KMT2B: variants seen among roughly 807,000 people sequenced by gnomAD.
KMT2B encodes the protein lysine methyltransferase 2B, also known as histone-lysine N-methyltransferase 2B.
KMT2B carries 22 observed loss-of-function variants against 255.3 expected under a neutral mutation model. The observed-to-expected ratio is 0.09, with a 90% confidence interval of 0.06 to 0.12. KMT2B has a LOEUF of 0.12. Ranked by LOEUF, KMT2B falls within the 10% of genes least tolerant of loss-of-function variation. The probability of loss-of-function intolerance (pLI) is 1.00; values close to 1 mark genes in which losing one functional copy is unlikely to be tolerated. For missense variants in KMT2B, 3,149 were observed against 3,737.0 expected (o/e 0.84, Z 4.10); for synonymous variants, 1,730 against 1,498.1 (o/e 1.15, Z -3.57).
At position 35,733,644 on chromosome 19, in the gene KMT2B, A is replaced by C; in HGVS notation, c.7007A>C (p.Asp2336Ala). The C allele has an allele frequency of 6.3e-7, 1 of 1,598,880 alleles. No individual in the cohort carries two copies. Among genetic ancestry groups the C allele is most frequent in the South Asian group, 1.1e-5 (1 of 88,392 alleles). ...ACCCCCACAGTGCGTGGGGTCCTTG[A>C]CCTGGATCGGCCTGGGGAGCCCGCT... ...MKTPTVRGVL[D>A]LDRPGEPAGE... Residue 2336 changes from aspartate to alanine, a missense_variant, in exon 29 of 37, where the codon GAC becomes GCC. Physicochemically the swap from Asp to Ala is moderately radical, Grantham distance 126. Coordinates refer to ENST00000420124, the MANE Select transcript of KMT2B (RefSeq NM_014727.3). This position sits in a 1 kb window ranked among gnomAD's most constrained non-coding sequence, Gnocchi z 4.3.
In KMT2B at chr19:35,726,318, G is replaced by C; in HGVS notation, c.3968G>C (p.Ser1323Thr). 3 of 1,613,742 alleles carry C rather than the reference G, an allele frequency of 1.9e-6. No homozygotes were observed. Among genetic ancestry groups the C allele is most frequent in the Non-Finnish European group, 2.5e-6 (3 of 1,179,776 alleles). The change falls in exon 14 of 37, where the codon AGC becomes ACC. Residue 1323 changes from serine to threonine, a missense_variant. Coordinates refer to ENST00000420124, the MANE Select transcript of KMT2B (RefSeq NM_014727.3). Reference protein sequence around the residue: ...NWDVEWSGDYSLCPRCTQLYE... With the variant: ...NWDVEWSGDYTLCPRCTQLYE... ...GACGTCGAGTGGTCTGGAGATTACA[G>C]CCTCTGCCCCAGGTGCACCCAGCTA...
Position 35,720,307 on chromosome 19 carries a change from C to T in KMT2B, c.960C>T (p.Ser320=), listed in dbSNP as rs771078810. 2 of 1,613,238 alleles carry T rather than the reference C, an allele frequency of 1.2e-6. No homozygotes were observed. Among genetic ancestry groups the T allele is most frequent in the African/African-American group, 1.3e-5 (1 of 75,012 alleles). ...AAAAAGTAAAGATGGGACAATTGTCCTTGGGACTCGAATCAGGTCAAGGTC... is the reference window on the plus strand; with the variant it reads ...AAAAAGTAAAGATGGGACAATTGTCTTTGGGACTCGAATCAGGTCAAGGTC... ...RAKKVKMGQL[S]LGLESGQGQG... The change falls in exon 3 of 37, where the codon TCC becomes TCT. Residue 320 remains serine (S), a synonymous_variant. Coordinates refer to ENST00000420124, the MANE Select transcript of KMT2B (RefSeq NM_014727.3).
Position 35,729,306 on chromosome 19 carries a change from CGGGCGCAG to C in KMT2B, c.4917+11_4917+18del. The C allele has an allele frequency of 6.3e-7, 1 of 1,587,436 alleles. No individual in the cohort carries two copies. Among genetic ancestry groups the C allele is most frequent in the Non-Finnish European group, 8.6e-7 (1 of 1,168,020 alleles). ...CCGAGGGAGGCAGATGGTGAGGGCG[CGGGCGCAG>C]AGAGGTGGACAGCTCTCTGGCTCTT... On this transcript the variant is annotated intron_variant, in intron 22 of 36. Transcript: ENST00000420124.
chr19:35,727,595 G>A lies in KMT2B; in HGVS notation c.4275G>A (p.Val1425=). Residue 1425 remains valine (V), a synonymous_variant, in exon 16 of 37, where the codon GTG becomes GTA. Coordinates refer to ENST00000420124, the MANE Select transcript of KMT2B (RefSeq NM_014727.3). The surrounding 1 kb of genome is among the most constrained non-coding windows in gnomAD (Gnocchi z 4.2). ...QVLQGLLSSK[V]VGPLLLCTQC... is the part of the protein sequence containing the mutation. ...TCCAGGGCCTGCTGAGCTCCAAGGT[G>A]GTGGGCCCACTGCTGCTCTGCACCC... 1 of 1,606,426 alleles carries A rather than the reference G, an allele frequency of 6.2e-7. No individual in the cohort carries two copies. Among genetic ancestry groups the A allele is most frequent in the Non-Finnish European group, 8.5e-7 (1 of 1,177,254 alleles).
chr19:35,730,268 T>G, intron 23 of KMT2B, 74 bp from the exon 24 acceptor site: 3 of 1,602,724 alleles, frequency 1.9e-6, no homozygotes, highest in Non-Finnish European at 2.6e-6. Context: ...GCCAAGCCCC[T>G]GACTGTTCAG....
Position 35,723,430 on chromosome 19 carries a change from G to A in KMT2B, c.3003-17G>A, listed in dbSNP as rs1969298792. 5 of 1,571,432 alleles carry A rather than the reference G, an allele frequency of 3.2e-6. No individual in the cohort carries two copies. The highest frequency in any genetic ancestry group is 4.3e-6 in the Non-Finnish European group (5 of 1,158,802). On this transcript the variant is annotated splice_polypyrimidine_tract_variant and intron_variant, in intron 6 of 36. Transcript: ENST00000420124. This position sits in a 1 kb window ranked among gnomAD's most constrained non-coding sequence, Gnocchi z 7.5. ...CACCAGTCCCCTACCCTGGTGACGTGCTGCTCCCCTCCCCAGATACCGGAA... is the reference window on the plus strand; with the variant it reads ...CACCAGTCCCCTACCCTGGTGACGTACTGCTCCCCTCCCCAGATACCGGAA...
In KMT2B at chr19:35,723,811, C is replaced by A. The variant is rs748775538; in HGVS notation, c.3138C>A (p.Arg1046=). The part of the protein sequence containing the change: ...PEASPGPPGP[R]RGAGAGGPRE... ...CCTCCCCTGGTCCTCCAGGCCCACG[C>A]CGGGGGGCGGGAGCTGGGGGGCCCC... The change falls in exon 8 of 37, where the codon CGC becomes CGA. Residue 1046 remains arginine, a synonymous_variant. Transcript: ENST00000420124. The surrounding 1 kb of genome is among the most constrained non-coding windows in gnomAD (Gnocchi z 7.5). The A allele has an allele frequency of 6.3e-7, 1 of 1,593,098 alleles. No individual in the cohort carries two copies. The highest frequency in any genetic ancestry group is 2.3e-5 in the East Asian group (1 of 44,268).
Position 35,725,943 on chromosome 19 carries a change from A to G in KMT2B, c.3885+125A>G. ...GGGATCCTCTTAAGAATTGATTAGT[A>G]ATGTTTCCTCTTCAAAAATTTCACA... is the stretch of plus-strand genomic sequence containing the variant. On this transcript the variant is annotated intron_variant, in intron 13 of 36. Transcript: ENST00000420124. This position sits in a 1 kb window ranked among gnomAD's most constrained non-coding sequence, Gnocchi z 4.1. 1 of 809,264 alleles carries G rather than the reference A, an allele frequency of 1.2e-6. No individual in the cohort carries two copies. The highest frequency in any genetic ancestry group is 1.6e-5 in the South Asian group (1 of 61,086). The allele number at this position is 809,264 out of a possible 1,614,324, so 50.1% of individuals were successfully genotyped here. A position where few individuals can be genotyped will look rare whatever the true frequency, so the allele number is the denominator to read the frequency against.
In KMT2B at chr19:35,720,764, C is replaced by T. The variant is rs1969160753; in HGVS notation, c.1417C>T (p.Pro473Ser). 6.8e-7 allele frequency: 1 copy of T among 1,479,666 alleles called. No homozygotes were observed. The highest frequency in any genetic ancestry group is 9.0e-7 in the Non-Finnish European group (1 of 1,112,300). 91.7% of individuals were successfully genotyped at this position (1,479,666 alleles called of 1,614,324 possible). A position where few individuals can be genotyped will look rare whatever the true frequency, so the allele number is the denominator to read the frequency against. ...ATCSRKRGRP[P>S]LTPSQRAERE... ...GTGCTCCAGGAAGAGGGGCCGGCCT[C>T]CCCTGACTCCCAGCCAGCGGGCGGA... is the stretch of plus-strand genomic sequence containing the variant. The change falls in exon 3 of 37, where the codon CCC becomes TCC. Residue 473 changes from proline (P) to serine (S), a missense_variant. Physicochemically the swap from Pro to Ser is moderately conservative, Grantham distance 74 (BLOSUM62 -1). Transcript: ENST00000420124.
intron 5 of KMT2B, 118 bp from the exon 6 acceptor site, chr19:35,722,877 G>T (rs897011287): frequency 2.1e-6 from 3 of 1,415,922 alleles, no homozygotes; most frequent in African/African-American, 2.9e-5. Context: ...TTCATTTGGG[G>T]GCACCAGGAA....
At position 35,737,327 on chromosome 19, in the gene KMT2B, G is replaced by A; in HGVS notation, c.7550+64G>A. ...CCTATGAGAGCTCTTGAGGGTGGGA[G>A]TTAACTGTAGAGGTTGGAAACTGAG... is the stretch of plus-strand genomic sequence containing the variant. On this transcript the variant is annotated intron_variant, in intron 33 of 36. Coordinates refer to ENST00000420124, the MANE Select transcript of KMT2B (RefSeq NM_014727.3). This position sits in a 1 kb window ranked among gnomAD's most constrained non-coding sequence, Gnocchi z 5.3. The A allele has an allele frequency of 7.0e-7, 1 of 1,423,430 alleles. No individual in the cohort carries two copies. The highest frequency in any genetic ancestry group is 1.5e-5 in the South Asian group (1 of 67,368). 88.2% of individuals were successfully genotyped at this position (1,423,430 alleles called of 1,614,324 possible). A position where few individuals can be genotyped will look rare whatever the true frequency, so the allele number is the denominator to read the frequency against.
Position 35,736,960 on chromosome 19 carries a change from C to T in KMT2B, c.7346C>T (p.Ala2449Val), listed in dbSNP as rs1969940062. Reference protein sequence around the residue: ...IEKVQEARGHARLRHLSFSGM... With the variant: ...IEKVQEARGHVRLRHLSFSGM... ...AAAGTGCAAGAGGCCCGAGGGCATG[C>T]CCGACTCAGACATCTCTCCTTTAGT... The change falls in exon 32 of 37, where the codon GCC becomes GTC. Residue 2449 changes from alanine to valine, a missense_variant. Transcript: ENST00000420124. The T allele has an allele frequency of 6.2e-7, 1 of 1,613,644 alleles. No homozygotes were observed. The highest frequency in any genetic ancestry group is 8.5e-7 in the Non-Finnish European group (1 of 1,179,834).
rs1449898892 is a variant in KMT2B, at chr19:35,718,326, C to G, written c.308C>G (p.Pro103Arg). The stretch of plus-strand genomic sequence containing the variant: ...CGGGGTCGGGGCCGGGGCTGGGGCC[C>G]GAGTCGAGGCTGCGTGCCGGAGGAG... ...RGRGRGRGWG[P>R]SRGCVPEEES... Residue 103 changes from proline to arginine, a missense_variant, in exon 1 of 37, where the codon CCG becomes CGG. Physicochemically the swap from Pro to Arg is moderately radical, Grantham distance 103 (BLOSUM62 -2). This residue lies in a region of KMT2B where 1,188 missense variants were observed against 1,106.4 expected (regional missense o/e 1.07). Transcript: ENST00000420124. This position sits in a 1 kb window ranked among gnomAD's most constrained non-coding sequence, Gnocchi z 5.0. 1.6e-6 allele frequency: 2 copies of G among 1,249,726 alleles called. No homozygotes were observed. The highest frequency in any genetic ancestry group is 1.5e-5 in the African/African-American group (1 of 64,560). 77.4% of individuals were successfully genotyped at this position (1,249,726 alleles called of 1,614,324 possible).
intron 22 of KMT2B, among the ~76,000 whole-genome samples, chr19:35,729,758 G>T (rs1812248193): frequency 6.6e-6 from 1 of 152,242 alleles, no homozygotes; most frequent in Admixed American, 6.5e-5. Context: ...TCACACTAAT[G>T]CTATCAGCAA....
In KMT2B at chr19:35,727,518, C is replaced by T. The variant is rs747829749; in HGVS notation, c.4198C>T (p.Arg1400Cys). Reference protein sequence around the residue: ...CGPCAGAAQPRWREALSGALQ... With the variant: ...CGPCAGAAQPCWREALSGALQ... ...ACCGTGTGCTGGGGCAGCGCAGCCC[C>T]GCTGGCGAGAGGCCCTGAGCGGGGC... The change falls in exon 16 of 37, where the codon CGC (arginine) becomes TGC (cysteine). Residue 1400 changes from arginine to cysteine, a missense_variant. This residue lies in a region of KMT2B where 377 missense variants were observed against 471.0 expected (regional missense o/e 0.80). Coordinates refer to ENST00000420124, the MANE Select transcript of KMT2B (RefSeq NM_014727.3). This position sits in a 1 kb window ranked among gnomAD's most constrained non-coding sequence, Gnocchi z 4.2. The T allele has an allele frequency of 5.3e-5, 86 of 1,610,522 alleles. No homozygotes were observed. The highest frequency in any genetic ancestry group is 6.8e-5 in the Non-Finnish European group (80 of 1,179,758).
intron 13 of KMT2B, 128 bp from the exon 14 acceptor site, chr19:35,726,108 G>A (rs371120366): frequency 2.8e-6 from 2 of 721,462 alleles, no homozygotes; most frequent in African/African-American, 1.7e-5. Context: ...TGTCCTGCGT[G>A]TTTTCTCCTC....
At position 35,718,473 on chromosome 19, in the gene KMT2B, C is replaced by G. The variant is rs77144251; in HGVS notation, c.363+92C>G. The G allele has an allele frequency of 5.2e-5, 62 of 1,185,476 alleles. No individual in the cohort carries two copies. Among genetic ancestry groups the G allele is most frequent in the Non-Finnish European group, 6.5e-5 (62 of 950,270 alleles). The allele number at this position is 1,185,476 out of a possible 1,614,324, so 73.4% of individuals were successfully genotyped here. A position where few individuals can be genotyped will look rare whatever the true frequency, so the allele number is the denominator to read the frequency against. On this transcript the variant is annotated intron_variant, in intron 1 of 36. Coordinates refer to ENST00000420124, the MANE Select transcript of KMT2B (RefSeq NM_014727.3). This position sits in a 1 kb window ranked among gnomAD's most constrained non-coding sequence, Gnocchi z 5.0. The stretch of plus-strand genomic sequence containing the variant: ...TGTCCCGGGGGCGGCGTGGGCAGGC[C>G]GGGTCCTCAGGGTTCCTTCGGAGAG...
At position 35,728,979 on chromosome 19, in the gene KMT2B, C is replaced by T. The variant is rs754741226; in HGVS notation, c.4688-6C>T. ...TCTTAGACCTCCCTTCACATTTCCT[C>T]TTCAGCATTCCAGGGCAAGGATCCG... On this transcript the variant is annotated splice_region_variant and splice_polypyrimidine_tract_variant and intron_variant, in intron 20 of 36. Transcript: ENST00000420124. 7.4e-6 allele frequency: 12 copies of T among 1,613,974 alleles called. No homozygotes were observed. Among genetic ancestry groups the T allele is most frequent in the South Asian group, 2.2e-5 (2 of 91,080 alleles).
chr19:35,719,858 C>G lies in KMT2B; in HGVS notation c.511C>G (p.Pro171Ala). The change falls in exon 3 of 37, where the codon CCT becomes GCT. Residue 171 changes from proline to alanine, a missense_variant. By Grantham distance (27) the Pro-to-Ala change is conservative. Coordinates refer to ENST00000420124, the MANE Select transcript of KMT2B (RefSeq NM_014727.3). Reference sequence around the variant, plus strand: ...TCCTCCTCGCCTAGCAGATGTGGCTCCTACCCCCCCAAAGACCCCTGCCCG... The same window carrying G: ...TCCTCCTCGCCTAGCAGATGTGGCTGCTACCCCCCCAAAGACCCCTGCCCG... ...LPPPRLADVA[P>A]TPPKTPARKR... 1 of 1,613,326 alleles carries G rather than the reference C, an allele frequency of 6.2e-7. No individual in the cohort carries two copies. Among genetic ancestry groups the G allele is most frequent in the Non-Finnish European group, 8.5e-7 (1 of 1,179,834 alleles).
Sources: gnomAD v4.1 joint callset for allele counts (sites outside exome capture counted in the v4.1 genomes callset) on GRCh38, gnomAD v4.1.1 for gene constraint, gnomAD v4.1.1 regional missense constraint, Gnocchi (gnomAD v3.1) non-coding constraint, MANE v1.5 for transcripts, NCBI Gene and HGNC (gene_info 2026-07-23, HGNC 2026-07-21) for gene names.